The following GPC6 variants were observed in gnomAD, a reference collection of about 807,000 sequenced individuals.
GPC6 encodes the protein glypican 6.
In GPC6, 14 loss-of-function variants were observed where a neutral mutation model predicts 55.2. That is an observed-to-expected ratio of 0.25 (90% CI 0.17 to 0.40). The LOEUF (loss-of-function observed/expected upper bound fraction) is 0.40, where lower values mean the gene tolerates loss of function less well. Ranked by LOEUF, GPC6 falls within the 10% of genes least tolerant of loss-of-function variation. The probability of loss-of-function intolerance (pLI) is 1.00; values close to 1 mark genes in which losing one functional copy is unlikely to be tolerated. For synonymous variants in GPC6, 278 were observed against 259.6 expected (o/e 1.07, Z -0.68); for missense variants, 641 against 708.5 (o/e 0.90, Z 1.08).
intron 4 of GPC6, among the ~76,000 whole-genome samples, chr13:94,252,380 C>G (rs1357286525): frequency 8.5e-5 from 13 of 152,072 alleles, no homozygotes; most frequent in Non-Finnish European, 1.8e-4. Flanking sequence ...CTTCTTGGCT[C>G]TGGTGATGTC....
chr13:94,147,529 C>A (rs189473026), intron 4 of GPC6, among the ~76,000 whole-genome samples: 1 of 152,098 alleles, frequency 6.6e-6, no homozygotes, highest in East Asian at 1.9e-4. Flanking sequence ...GATGCATATA[C>A]CATGCTTACC....
At chr13:94,228,494 C>A (rs1291660605) in intron 4 of GPC6, among the ~76,000 whole-genome samples, 1 of 152,016 alleles carries the variant, frequency 6.6e-6, no homozygotes, top group Non-Finnish European at 1.5e-5. Flanking sequence ...TTTTAGAAAT[C>A]TTATGCCTTT....
intron 5 of GPC6, among the ~76,000 whole-genome samples, chr13:94,300,129 C>T (rs1234886293): frequency 6.6e-6 from 1 of 152,064 alleles, no homozygotes; most frequent in Non-Finnish European, 1.5e-5. Context: ...TTATGGAAAC[C>T]TGCTGAGTAG....
chr13:93,288,190 ACAAT>A lies in GPC6; in HGVS notation c.160+60578_160+60581del, dbSNP rs573475609. Among the ~76,000 whole-genome samples the A allele has an allele frequency of 6.6e-5, 10 of 152,334 alleles. No homozygotes were observed. In the East Asian group the frequency reaches 1.7e-3, roughly 26 times the overall value. ...ATTAGCAGAAACTCTCCAAAATAAGACAATCAAAACCATCTGGGCTTGAATATAT... is the reference window on the plus strand; with the variant it reads ...ATTAGCAGAAACTCTCCAAAATAAGACAAAACCATCTGGGCTTGAATATAT... On this transcript the variant is annotated intron_variant, in intron 1 of 8. Transcript: ENST00000377047.
At chr13:93,316,897 A>G (rs550189965) in intron 1 of GPC6, among the ~76,000 whole-genome samples, 22 of 152,172 alleles carry the variant, frequency 1.4e-4, no homozygotes, top group African/African-American at 5.3e-4. Flanking sequence ...CCTTGTTTTC[A>G]TTTAATTTCT....
At chr13:93,950,351 A>G (rs1164911615) in intron 3 of GPC6, among the ~76,000 whole-genome samples, 1 of 152,186 alleles carries the variant, frequency 6.6e-6, no homozygotes, top group Non-Finnish European at 1.5e-5. Flanking sequence ...TTTTAGGAGA[A>G]AGGGTACCTA....
intron 1 of GPC6, among the ~76,000 whole-genome samples, chr13:93,301,825 T>G (rs1208697425): frequency 5.3e-5 from 8 of 152,064 alleles, no homozygotes; most frequent in Non-Finnish European, 1.2e-4. Context: ...CCAGCTGGGA[T>G]CCAACACCAA....
intron 4 of GPC6, among the ~76,000 whole-genome samples, chr13:94,199,882 C>T (rs1343151897): frequency 5.0e-4 from 76 of 152,098 alleles, no homozygotes; most frequent in Admixed American, 4.8e-3. Flanking sequence ...CCAGGTCAGG[C>T]GTGGTGGCTT....
At chr13:93,285,671 T>A (rs1214160812) in intron 1 of GPC6, among the ~76,000 whole-genome samples, 1 of 150,394 alleles carries the variant, frequency 6.6e-6, no homozygotes, top group Non-Finnish European at 1.5e-5. Flanking sequence ...TGTATGTGTT[T>A]GGTGGCAGTC....
chr13:94,145,325 T>G (rs1482424837), intron 4 of GPC6, among the ~76,000 whole-genome samples: 1 of 152,200 alleles, frequency 6.6e-6, no homozygotes, highest in Admixed American at 6.6e-5. Flanking sequence ...TTGACTTTAT[T>G]GAAACTTATC....
chr13:93,750,416 T>G (rs985107695), intron 2 of GPC6, among the ~76,000 whole-genome samples: 1 of 152,142 alleles, frequency 6.6e-6, no homozygotes, highest in Non-Finnish European at 1.5e-5. Context: ...ATATAACTAT[T>G]CATACCAAAA....
At chr13:93,765,612 T>C (rs1885108498) in intron 2 of GPC6, among the ~76,000 whole-genome samples, 1 of 152,168 alleles carries the variant, frequency 6.6e-6, no homozygotes, top group South Asian at 2.1e-4. Flanking sequence ...CCTGCATTAT[T>C]CATAGTAAGG....
intron 1 of GPC6, among the ~76,000 whole-genome samples, chr13:93,446,442 G>A (rs1248192645): frequency 6.6e-6 from 1 of 152,186 alleles, no homozygotes; most frequent in Non-Finnish European, 1.5e-5. Context: ...ATTCTAGATA[G>A]GAGGGTATTA....
intron 2 of GPC6, among the ~76,000 whole-genome samples, chr13:93,611,772 A>C (rs1878473021): frequency 6.6e-6 from 1 of 152,196 alleles, no homozygotes; most frequent in Non-Finnish European, 1.5e-5. Flanking sequence ...TATTCTAAGA[A>C]TAATAAGTCA....
intron 1 of GPC6, among the ~76,000 whole-genome samples, chr13:93,489,470 A>G (rs1273663484): frequency 6.6e-6 from 1 of 151,382 alleles, no homozygotes; most frequent in Non-Finnish European, 1.5e-5. Flanking sequence ...TTTTGGTTTC[A>G]TATGAACTTT....
chr13:93,617,848 C>G (rs1566451961), intron 2 of GPC6, among the ~76,000 whole-genome samples: 1 of 150,920 alleles, frequency 6.6e-6, no homozygotes, highest in Non-Finnish European at 1.5e-5. Flanking sequence ...ATACTTCTAA[C>G]AAAAATATGT....
At chr13:94,322,515 A>G (rs572569670) in intron 6 of GPC6, among the ~76,000 whole-genome samples, 7 of 152,242 alleles carry the variant, frequency 4.6e-5, no homozygotes, top group African/African-American at 1.7e-4. Flanking sequence ...ATCAATTGCT[A>G]TTGTGGAATA....
At chr13:93,376,269 T>G (rs1050260545) in intron 1 of GPC6, among the ~76,000 whole-genome samples, 3 of 152,170 alleles carry the variant, frequency 2.0e-5, no homozygotes, top group Non-Finnish European at 4.4e-5. Flanking sequence ...TGGGCTGGTT[T>G]TACTGAACTC....
chr13:94,402,955 G>A, intron 8 of GPC6, 60 bp from the exon 9 acceptor site: 3 of 1,183,626 alleles, frequency 2.5e-6, no homozygotes, highest in Non-Finnish European at 3.8e-6. Flanking sequence ...GATTTGGGTG[G>A]GGCCACAAAG....
Sources: allele counts gnomAD v4.1 joint callset (sites outside exome capture counted in the v4.1 genomes callset), GRCh38; gene constraint gnomAD v4.1.1; transcripts MANE v1.5; gene names NCBI Gene and HGNC (gene_info 2026-07-23, HGNC 2026-07-21).